Variants in NFATC1 observed in about 807,000 individuals in gnomAD.
NFATC1 encodes nuclear factor of activated T cells 1.
A neutral mutation model predicts 76.0 loss-of-function variants in NFATC1; 22 were observed. The ratio of observed to expected loss-of-function variants is 0.29; its 90% CI spans 0.21 to 0.41. NFATC1 has a LOEUF of 0.41. NFATC1 is among the 10% of genes least tolerant of loss of function. The pLI is 1.00. For missense variants in NFATC1, 1,357 were observed against 1,337.7 expected, an observed-to-expected ratio of 1.01 and a Z score of -0.23; for synonymous variants, 704 against 613.1, an observed-to-expected ratio of 1.15 and a Z score of -2.19.
intron 8 of NFATC1, among the ~76,000 whole-genome samples, chr18:79,484,747 C>T (rs36113664): frequency 0.038 from 5,733 of 152,322 alleles, 147 homozygotes; most frequent in Non-Finnish European, 0.056. Flanking sequence ...CTGGGAACGG[C>T]CCATATGGGT....
intron 3 of NFATC1, among the ~76,000 whole-genome samples, chr18:79,439,162 C>T (rs1271956103): frequency 6.6e-6 from 1 of 152,166 alleles, no homozygotes; most frequent in African/African-American, 2.4e-5. Flanking sequence ...GCCTCATCCA[C>T]GCTTTCTTAA....
In NFATC1 at chr18:79,527,574, C is replaced by A. The variant is rs1569061882; in HGVS notation, c.2829C>A (p.Ser943=). The change falls in exon 10 of 10, where the codon TCC becomes TCA. Residue 943 remains serine (S), a synonymous_variant. Transcript: ENST00000427363. ...ACCTCTCCAGCACGAGCACCCACTCCTAGTTGCCACATTGGAGCACTCAGT... is the reference window on the plus strand; with the variant it reads ...ACCTCTCCAGCACGAGCACCCACTCATAGTTGCCACATTGGAGCACTCAGT... ...RNDLSSTSTH[S] is the part of the protein sequence containing the mutation. 1 of 1,613,954 alleles carries A rather than the reference C, an allele frequency of 6.2e-7. No homozygotes were observed.
intron 9 of NFATC1, among the ~76,000 whole-genome samples, chr18:79,520,601 CTG>C (rs1181753972): frequency 9.7e-6 from 1 of 102,632 alleles, no homozygotes; most frequent in Non-Finnish European, 1.9e-5. Context: ...ATGTGTGTGT[CTG>C]TGTGTGTGTG....
chr18:79,468,408 C>G lies in NFATC1; in HGVS notation c.2092+826C>G, dbSNP rs1378154160. The G allele has an allele frequency of 2.1e-5, 3 of 145,394 alleles. No individual in the cohort carries two copies. The East Asian group carries it at 5.8e-4, about 28-fold the overall frequency. The allele number at this position is 145,394 out of a possible 1,614,324, so 9.0% of individuals were successfully genotyped here. ...TGTGGGTACAGGCCACTCCCCACAG[C>G]TCGGAGGGGACAGTTAGCGGTCATC... is the stretch of plus-strand genomic sequence containing the variant. On this transcript the variant is annotated intron_variant, in intron 8 of 9. Coordinates refer to ENST00000427363, the MANE Select transcript of NFATC1 (RefSeq NM_001278669.2).
intron 6 of NFATC1, among the ~76,000 whole-genome samples, chr18:79,461,044 G>A (rs1488048032): frequency 2.0e-5 from 3 of 152,238 alleles, no homozygotes; most frequent in South Asian, 2.1e-4. Flanking sequence ...CTCCTACGCC[G>A]GGCTGGGGTC....
intron 9 of NFATC1, among the ~76,000 whole-genome samples, chr18:79,510,952 T>A (rs1459447720): frequency 1.3e-5 from 2 of 152,182 alleles, no homozygotes; most frequent in Non-Finnish European, 2.9e-5. Flanking sequence ...CGGGGCATCG[T>A]TCGCCGGTCT....
chr18:79,518,535 C>G (rs1388914208), intron 9 of NFATC1, among the ~76,000 whole-genome samples: 1 of 152,178 alleles, frequency 6.6e-6, no homozygotes, highest in Non-Finnish European at 1.5e-5. Flanking sequence ...ATCAGAGCAC[C>G]TGAGAGGGTG....
intron 9 of NFATC1, chr18:79,498,125 G>A (rs1453104266): frequency 6.6e-6 from 1 of 150,942 alleles, no homozygotes. Context: ...ATCTCCAGTT[G>A]TAAACCAAAA....
intron 6 of NFATC1, among the ~76,000 whole-genome samples, chr18:79,458,048 G>A (rs534839281): frequency 1.3e-5 from 2 of 152,332 alleles, no homozygotes; most frequent in South Asian, 2.1e-4. Context: ...ACCTCAGTGC[G>A]TGAGTCCTGT....
At chr18:79,437,102 G>A (rs918459220) in intron 3 of NFATC1, among the ~76,000 whole-genome samples, 1 of 152,180 alleles carries the variant, frequency 6.6e-6, no homozygotes, top group Non-Finnish European at 1.5e-5. Context: ...CAGGATGGCC[G>A]GCAGCCCCTG....
At chr18:79,425,215 G>GTCTCTCTGTTTCTCTCCCTGTCTCTA (rs1568944850) in intron 2 of NFATC1, among the ~76,000 whole-genome samples, 3 of 135,840 alleles carry the variant, frequency 2.2e-5, no homozygotes, top group Non-Finnish European at 3.1e-5. Context: ...CCCTGTCTCT[G>GTCTCTCTGTTTCTCTCCCTGTCTCTA]TCTCTCTGTT....
At chr18:79,430,933 C>T (rs181942809) in intron 2 of NFATC1, among the ~76,000 whole-genome samples, 114 of 152,314 alleles carry the variant, frequency 7.5e-4, no homozygotes, top group Non-Finnish European at 1.4e-3. Flanking sequence ...TCTTGTCCTT[C>T]CTGTGTGGAG....
At chr18:79,403,033 A>G (rs528403299) in intron 1 of NFATC1, among the ~76,000 whole-genome samples, 1 of 152,386 alleles carries the variant, frequency 6.6e-6, no homozygotes, top group African/African-American at 2.4e-5. Flanking sequence ...CCCTGAGCCC[A>G]GGAGGCAGTC....
chr18:79,490,093 C>A (rs1023370508), intron 9 of NFATC1, among the ~76,000 whole-genome samples: 4 of 152,162 alleles, frequency 2.6e-5, no homozygotes, highest in South Asian at 2.1e-4. Context: ...TGATCTCCCC[C>A]CCGCCCCCGC....
intron 9 of NFATC1, among the ~76,000 whole-genome samples, chr18:79,511,860 C>T (rs1022420562): frequency 2.6e-5 from 4 of 151,956 alleles, no homozygotes; most frequent in Admixed American, 6.5e-5. Flanking sequence ...CGGGACCTGC[C>T]TAGGGAGTTG....
intron 9 of NFATC1, among the ~76,000 whole-genome samples, chr18:79,512,201 C>T (rs1310832162): frequency 6.6e-6 from 1 of 152,048 alleles, no homozygotes; most frequent in Non-Finnish European, 1.5e-5. Flanking sequence ...CGGCCTCACC[C>T]CAGGACACGG....
At chr18:79,519,429 C>T (rs1256319380) in intron 9 of NFATC1, among the ~76,000 whole-genome samples, 1 of 152,136 alleles carries the variant, frequency 6.6e-6, no homozygotes, top group Non-Finnish European at 1.5e-5. Flanking sequence ...ACCTCCTGGG[C>T]TCAAGCCATC....
intron 3 of NFATC1, among the ~76,000 whole-genome samples, chr18:79,435,013 C>T (rs112757653): frequency 0.011 from 1,714 of 152,318 alleles, 27 homozygotes; most frequent in African/African-American, 0.027. Context: ...GGTCAGACAG[C>T]GCTGCACCAC....
At chr18:79,473,827 G>T (rs2088896716) in intron 8 of NFATC1, among the ~76,000 whole-genome samples, 1 of 147,348 alleles carries the variant, frequency 6.8e-6, no homozygotes, top group African/African-American at 2.5e-5. Flanking sequence ...ACGTAAACCT[G>T]AGGGAAGTGT....
Sources: gnomAD v4.1 joint callset for allele counts (sites outside exome capture counted in the v4.1 genomes callset) on GRCh38, gnomAD v4.1.1 for gene constraint, MANE v1.5 for transcripts, NCBI Gene and HGNC (gene_info 2026-07-23, HGNC 2026-07-21) for gene names.